The following ADAMTSL1 variants were observed in gnomAD, a reference collection of about 807,000 sequenced individuals.
ADAMTSL1 encodes ADAMTS-like protein 1.
Under a neutral mutation model 201.8 loss-of-function variants are expected in ADAMTSL1, and 126 were observed. The ratio of observed to expected loss-of-function variants is 0.62; its 90% CI spans 0.54 to 0.72. ADAMTSL1 has a LOEUF of 0.72. Among genes scored for constraint, ADAMTSL1 ranks in the 30% least tolerant of loss-of-function variants. The pLI, the probability that ADAMTSL1 is intolerant of heterozygous loss-of-function variation, is 0.00. For synonymous variants in ADAMTSL1, 1,121 were observed against 903.4 expected, an observed-to-expected ratio of 1.24 and a Z score of -4.32; for missense variants, 2,679 against 2,277.8, an observed-to-expected ratio of 1.18 and a Z score of -3.59.
At chr9:18,767,324 A>C (rs1356379173) in intron 16 of ADAMTSL1, among the ~76,000 whole-genome samples, 1 of 152,228 alleles carries the variant, frequency 6.6e-6, no homozygotes, top group African/African-American at 2.4e-5. Context: ...GAAGAATCTT[A>C]GTAATTCACA....
chr9:18,132,295 C>T (rs1218846675), intron 1 of ADAMTSL1, among the ~76,000 whole-genome samples: 1 of 152,094 alleles, frequency 6.6e-6, no homozygotes, highest in Non-Finnish European at 1.5e-5. Context: ...TTTTGAAATG[C>T]ATCGTGTGTA....
chr9:18,024,300 G>C (rs1820602278), intron 1 of ADAMTSL1, among the ~76,000 whole-genome samples: 1 of 151,952 alleles, frequency 6.6e-6, no homozygotes, highest in East Asian at 1.9e-4. Flanking sequence ...GGGTACATCT[G>C]TGGTTTTGCT....
chr9:18,135,547 G>C (rs773669642), intron 1 of ADAMTSL1, among the ~76,000 whole-genome samples: 2 of 152,116 alleles, frequency 1.3e-5, no homozygotes, highest in Non-Finnish European at 2.9e-5. Flanking sequence ...TGTAGTCCCA[G>C]ATACTCAGGA....
At chr9:17,914,898 A>G (rs1476293633) in intron 1 of ADAMTSL1, among the ~76,000 whole-genome samples, 2 of 152,192 alleles carry the variant, frequency 1.3e-5, no homozygotes, top group African/African-American at 4.8e-5. Context: ...AGAGAGCCAA[A>G]CCAACTAAAA....
chr9:18,132,416 A>G (rs1024757217), intron 1 of ADAMTSL1, among the ~76,000 whole-genome samples: 1 of 152,124 alleles, frequency 6.6e-6, no homozygotes, highest in African/African-American at 2.4e-5. Flanking sequence ...CATCATCCCA[A>G]ACTGAAACTC....
At chr9:18,302,745 G>C (rs1490872218) in intron 2 of ADAMTSL1, among the ~76,000 whole-genome samples, 1 of 152,124 alleles carries the variant, frequency 6.6e-6, no homozygotes, top group Non-Finnish European at 1.5e-5. Context: ...ATGCTTAATG[G>C]TAAGATTAAG....
chr9:18,753,398 G>A lies in ADAMTSL1; in HGVS notation c.2107G>A (p.Glu703Lys), dbSNP rs775366242. 4 of 1,613,108 alleles carry A rather than the reference G, an allele frequency of 2.5e-6. No individual in the cohort carries two copies. The Admixed American group carries it at 6.7e-5, about 27-fold the overall frequency. The stretch of plus-strand genomic sequence containing the variant: ...CCACCTGCTTTCCAGAGAGATGAAT[G>A]AAACAGTCATCCTGGCTGATGAGCT... ...CSHLLSREMNETVILADELCR... is the reference protein window; with the variant it reads ...CSHLLSREMNKTVILADELCR... Residue 703 changes from glutamate (E) to lysine (K), a missense_variant, in exon 16 of 29, where the codon GAA becomes AAA. Transcript: ENST00000380548.
chr9:18,148,479 C>T (rs1826758550), intron 1 of ADAMTSL1, among the ~76,000 whole-genome samples: 1 of 151,980 alleles, frequency 6.6e-6, no homozygotes, highest in South Asian at 2.1e-4. Context: ...TTAAAATTTG[C>T]AACCTCTATG....
At chr9:18,639,032 G>A (rs1256522348) in intron 6 of ADAMTSL1, among the ~76,000 whole-genome samples, 1 of 152,100 alleles carries the variant, frequency 6.6e-6, no homozygotes, top group African/African-American at 2.4e-5. Flanking sequence ...ACCCTTGAAT[G>A]CCTGGCTAAT....
chr9:18,716,163 G>C (rs936198401), intron 14 of ADAMTSL1, among the ~76,000 whole-genome samples: 12 of 151,972 alleles, frequency 7.9e-5, no homozygotes, highest in African/African-American at 2.7e-4. Context: ...TTACCATTCA[G>C]GACATAGGCA....
At chr9:18,428,914 C>T (rs1819357670) in intron 2 of ADAMTSL1, among the ~76,000 whole-genome samples, 1 of 152,206 alleles carries the variant, frequency 6.6e-6, no homozygotes, top group South Asian at 2.1e-4. Flanking sequence ...GCTATTGCTG[C>T]TCCTCACTGA....
chr9:18,757,854 G>T (rs1819862084), intron 16 of ADAMTSL1, among the ~76,000 whole-genome samples: 3 of 152,176 alleles, frequency 2.0e-5, no homozygotes, highest in Non-Finnish European at 4.4e-5. Context: ...GTGTTAGAAA[G>T]GTACATGCCC....
intron 1 of ADAMTSL1, among the ~76,000 whole-genome samples, chr9:18,001,122 A>G (rs1012403825): frequency 2.6e-5 from 4 of 152,072 alleles, no homozygotes; most frequent in African/African-American, 7.2e-5. Flanking sequence ...AGCTCATAAT[A>G]TGTCAGGCAG....
chr9:18,386,613 C>G (rs760554304), intron 2 of ADAMTSL1, among the ~76,000 whole-genome samples: 10 of 152,010 alleles, frequency 6.6e-5, no homozygotes, highest in Non-Finnish European at 1.5e-4. Context: ...ATTTTGTGTA[C>G]CTTTATCCAA....
At chr9:18,302,353 C>A (rs77267431) in intron 2 of ADAMTSL1, among the ~76,000 whole-genome samples, 2,286 of 152,234 alleles carry the variant, frequency 0.015, 49 homozygotes, top group African/African-American at 0.051. Context: ...AGAGGTATCA[C>A]CACACTTAGT....
chr9:18,714,173 C>T (rs1346710684), intron 14 of ADAMTSL1, among the ~76,000 whole-genome samples: 1 of 152,126 alleles, frequency 6.6e-6, no homozygotes, highest in South Asian at 2.1e-4. Flanking sequence ...GACACCCTAA[C>T]ATCACAATTA....
chr9:18,285,187 C>G (rs540666477), intron 2 of ADAMTSL1, among the ~76,000 whole-genome samples: 1 of 152,022 alleles, frequency 6.6e-6, no homozygotes, highest in African/African-American at 2.4e-5. Flanking sequence ...TAAAAGTGTC[C>G]GTTCCTTTGT....
chr9:18,324,802 G>A (rs933853049), intron 2 of ADAMTSL1, among the ~76,000 whole-genome samples: 1 of 151,312 alleles, frequency 6.6e-6, no homozygotes, highest in Non-Finnish European at 1.5e-5. Flanking sequence ...AATTTTAAAT[G>A]TATCTTCACC....
chr9:18,444,030 T>C (rs1352431787), intron 2 of ADAMTSL1, among the ~76,000 whole-genome samples: 1 of 152,212 alleles, frequency 6.6e-6, no homozygotes, highest in Non-Finnish European at 1.5e-5. Flanking sequence ...ACTATGTTAC[T>C]AGCATTTACT....
Sources: gnomAD v4.1 joint callset for allele counts (sites outside exome capture counted in the v4.1 genomes callset) on GRCh38, gnomAD v4.1.1 for gene constraint, MANE v1.5 for transcripts, NCBI Gene and HGNC (gene_info 2026-07-23, HGNC 2026-07-21) for gene names.